GARIN5A: variants seen among roughly 807,000 people sequenced by gnomAD.
GARIN5A encodes Golgi-associated RAB2 interactor protein 5A.
chr19:50,474,156 CTCTTT>C, the GARIN5A span, among the ~76,000 whole-genome samples: 16 of 147,942 alleles, frequency 1.1e-4, no homozygotes, highest in Middle Eastern at 3.4e-3. Flanking sequence ...TTTTTCTTTT[CTCTTT>C]TCTTTTCTTT....
chr19:50,474,702 G>A, the GARIN5A span, among the ~76,000 whole-genome samples: 1 of 151,786 alleles, frequency 6.6e-6, no homozygotes, highest in African/African-American at 2.4e-5. Flanking sequence ...GGCCAGACCG[G>A]TCTCAAATTC....
At chr19:50,473,507 C>G in the GARIN5A span, among the ~76,000 whole-genome samples, 1 of 152,082 alleles carries the variant, frequency 6.6e-6, no homozygotes, top group African/African-American at 2.4e-5. Flanking sequence ...GTATGTGTCA[C>G]CATACCTGGC....
At chr19:50,476,707 A>G in the GARIN5A span, 3 of 1,210,948 alleles carry the variant, frequency 2.5e-6, no homozygotes, top group Non-Finnish European at 3.3e-6. Flanking sequence ...CGGATGTCGC[A>G]GGTCTTGGGT....
the GARIN5A span, chr19:50,476,336 G>A: frequency 4.4e-6 from 7 of 1,585,270 alleles, no homozygotes; most frequent in African/African-American, 6.7e-5. Flanking sequence ...GATTTGTGAT[G>A]ACGTCCCTGG....
At chr19:50,476,217 ACGGGAG>A in the GARIN5A span, 3 of 1,613,486 alleles carry the variant, frequency 1.9e-6, no homozygotes, top group Admixed American at 5.0e-5. Flanking sequence ...TCCCCGTCCG[ACGGGAG>A]CGGACGGAGG....
the GARIN5A span, among the ~76,000 whole-genome samples, chr19:50,470,414 G>A: frequency 2.0e-5 from 3 of 152,106 alleles, no homozygotes; most frequent in Non-Finnish European, 4.4e-5. Context: ...TTGGGAGGCT[G>A]AGGCAGGAGA....
the GARIN5A span, among the ~76,000 whole-genome samples, chr19:50,472,831 G>A: frequency 6.6e-5 from 10 of 152,130 alleles, no homozygotes; most frequent in Non-Finnish European, 4.4e-5. Context: ...GCAGAGAACT[G>A]TGATCACTCC....
the GARIN5A span, chr19:50,467,521 TCTGCTGCCCCA>T: frequency 1.4e-6 from 2 of 1,382,438 alleles, no homozygotes; most frequent in African/African-American, 1.4e-5. Context: ...CCCTCTGCCC[TCTGCTGCCCCA>T]CTGCGCTTCC....
At chr19:50,475,754 G>T in the GARIN5A span, 6 of 1,030,806 alleles carry the variant, frequency 5.8e-6, no homozygotes, top group Admixed American at 1.1e-4. Context: ...ACGTTATGGG[G>T]GAGCAGGGGC....
chr19:50,474,232 T>G, the GARIN5A span, among the ~76,000 whole-genome samples: 4 of 151,732 alleles, frequency 2.6e-5, no homozygotes, highest in East Asian at 7.8e-4. Context: ...CAGGTTGGAG[T>G]GCAGTGGGAT....
chr19:50,476,155 G>C, the GARIN5A span: 1 of 1,613,444 alleles, frequency 6.2e-7, no homozygotes, highest in Non-Finnish European at 8.5e-7. Flanking sequence ...GTTCCACCTC[G>C]CCAGCTCCAC....
chr19:50,467,423 CAGGA>C, the GARIN5A span: 1 of 628,338 alleles, frequency 1.6e-6, no homozygotes, highest in South Asian at 2.0e-5. Flanking sequence ...CCCAGGAGTC[CAGGA>C]CCCCAGCCCT....
the GARIN5A span, chr19:50,467,835 T>C: frequency 1.1e-3 from 1,742 of 1,612,486 alleles, 1 homozygote; most frequent in Non-Finnish European, 1.3e-3. Flanking sequence ...ACAGCCTGGG[T>C]GGGAGGAAGG....
At chr19:50,475,911 T>C in the GARIN5A span, 3 of 1,613,856 alleles carry the variant, frequency 1.9e-6, no homozygotes, top group East Asian at 2.2e-5. Context: ...GTTGGAGCCG[T>C]CTGGGACGGC....
the GARIN5A span, among the ~76,000 whole-genome samples, chr19:50,474,641 G>A: frequency 6.6e-6 from 1 of 152,000 alleles, no homozygotes; most frequent in South Asian, 2.1e-4. Flanking sequence ...CACCGCACCC[G>A]GCCCTGGCTA....
At chr19:50,473,794 C>T in the GARIN5A span, among the ~76,000 whole-genome samples, 1 of 152,138 alleles carries the variant, frequency 6.6e-6, no homozygotes, top group African/African-American at 2.4e-5. Flanking sequence ...CGAGACCAGC[C>T]TGGCCAACAT....
the GARIN5A span, among the ~76,000 whole-genome samples, chr19:50,471,920 G>GTA: frequency 6.7e-6 from 1 of 150,326 alleles, no homozygotes; most frequent in Non-Finnish European, 1.5e-5. Flanking sequence ...GTGTATATGT[G>GTA]TATATACATG....
chr19:50,470,288 C>T, the GARIN5A span, among the ~76,000 whole-genome samples: 12 of 152,206 alleles, frequency 7.9e-5, no homozygotes, highest in South Asian at 2.1e-4. Context: ...CCGAGGCAGG[C>T]GGATCACCTG....
chr19:50,467,543 C>T, the GARIN5A span: 7 of 1,501,378 alleles, frequency 4.7e-6, no homozygotes, highest in Non-Finnish European at 6.3e-6. Flanking sequence ...CTGCGCTTCC[C>T]CCCTCTCCTC....
Sources: allele counts gnomAD v4.1 joint callset (sites outside exome capture counted in the v4.1 genomes callset), GRCh38; gene constraint gnomAD v4.1.1; transcripts MANE v1.5; gene names NCBI Gene and HGNC (gene_info 2026-07-23, HGNC 2026-07-21).